The following CDR2 variants were observed in gnomAD, a reference collection of about 807,000 sequenced individuals.
CDR2 encodes the protein cerebellar degeneration-related protein 2.
In CDR2, 34 loss-of-function variants were observed where a neutral mutation model predicts 48.4. That is an observed-to-expected ratio of 0.70 (90% CI 0.53 to 0.94). The LOEUF (loss-of-function observed/expected upper bound fraction) is 0.94, where lower values mean the gene tolerates loss of function less well. Ranked by LOEUF, CDR2 falls within the 40% of genes least tolerant of loss-of-function variation. CDR2 has a pLI of 0.00. For missense variants in CDR2, 498 were observed against 549.5 expected (o/e 0.91, Z 0.94); for synonymous variants, 240 against 219.7 (o/e 1.09, Z -0.82).
chr16:22,371,465 C>T (rs536302302), intron 1 of CDR2, among the ~76,000 whole-genome samples: 76 of 152,318 alleles, frequency 5.0e-4, no homozygotes, highest in African/African-American at 1.8e-3. Flanking sequence ...TGAACAGATT[C>T]CTGGAACATT....
At chr16:22,370,719 C>T (rs1185136777) in intron 1 of CDR2, among the ~76,000 whole-genome samples, 1 of 152,182 alleles carries the variant, frequency 6.6e-6, no homozygotes, top group Non-Finnish European at 1.5e-5. Context: ...CTCCTGCCTA[C>T]ACAAAAGCTT....
intron 4 of CDR2, 52 bp downstream of exon 4, chr16:22,349,227 C>T: frequency 1.3e-6 from 2 of 1,580,262 alleles, no homozygotes; most frequent in Non-Finnish European, 1.7e-6. Flanking sequence ...CAGAATGTGC[C>T]AATGACATGA....
chr16:22,372,163 C>A (rs773369149), intron 1 of CDR2, among the ~76,000 whole-genome samples: 6 of 152,012 alleles, frequency 3.9e-5, no homozygotes, highest in Non-Finnish European at 8.8e-5. Context: ...AGTCACTGCG[C>A]CCAGCCCAGA....
At chr16:22,348,240 A>T (rs1261324008) in intron 4 of CDR2, among the ~76,000 whole-genome samples, 1 of 152,180 alleles carries the variant, frequency 6.6e-6, no homozygotes, top group African/African-American at 2.4e-5. Flanking sequence ...CCCGGCCAAC[A>T]GTGATTGGTT....
At chr16:22,353,061 G>A (rs2048952937) in intron 2 of CDR2, among the ~76,000 whole-genome samples, 2 of 152,180 alleles carry the variant, frequency 1.3e-5, no homozygotes, top group South Asian at 4.1e-4. Flanking sequence ...TATAATAGCT[G>A]CAGAAATGTT....
intron 1 of CDR2, among the ~76,000 whole-genome samples, chr16:22,367,576 T>G (rs1281613658): frequency 6.6e-6 from 1 of 152,182 alleles, no homozygotes; most frequent in African/African-American, 2.4e-5. Context: ...TGAAAAAAAT[T>G]TATCATAAAA....
intron 2 of CDR2, among the ~76,000 whole-genome samples, chr16:22,350,335 G>A (rs1047442870): frequency 6.6e-6 from 1 of 152,134 alleles, no homozygotes; most frequent in African/African-American, 2.4e-5. Flanking sequence ...AGCTCCTTTA[G>A]ACCCATTTCA....
chr16:22,373,965 G>A (rs1190439740), intron 1 of CDR2, among the ~76,000 whole-genome samples: 1 of 152,230 alleles, frequency 6.6e-6, no homozygotes, highest in East Asian at 1.9e-4. Context: ...TCCACGGAAA[G>A]CGCTTAAAAC....
At chr16:22,356,408 A>T (rs2141846783) in intron 2 of CDR2, among the ~76,000 whole-genome samples, 1 of 152,344 alleles carries the variant, frequency 6.6e-6, no homozygotes, top group East Asian at 1.9e-4. Context: ...ACTTGAGGTC[A>T]GGAGTTCGAG....
chr16:22,371,852 G>GTGTA (rs1435017871), intron 1 of CDR2, among the ~76,000 whole-genome samples: 18 of 920 alleles, frequency 0.02, no homozygotes, highest in Admixed American at 0.036. Context: ...TCAGATATGT[G>GTGTA]TGTGTGTGTG....
intron 2 of CDR2, among the ~76,000 whole-genome samples, chr16:22,356,965 AAAAAAAG>A (rs1344961589): frequency 6.6e-6 from 1 of 150,962 alleles, no homozygotes; most frequent in African/African-American, 2.4e-5. Flanking sequence ...AAAAAAAAAA[AAAAAAAG>A]AAGACCACCT....
chr16:22,374,196 G>T, intron 1 of CDR2, 35 bp downstream of exon 1: 1 of 1,474,548 alleles, frequency 6.8e-7, no homozygotes, highest in Non-Finnish European at 9.3e-7. Flanking sequence ...CCCGGGCCAG[G>T]CCGCCGCCCG....
rs1189466764 is a variant in CDR2 at position 22,349,729 on chromosome 16, T to C, written c.313A>G (p.Ser105Gly). 1 of 1,614,126 alleles carries C rather than the reference T, an allele frequency of 6.2e-7. No homozygotes were observed. Among genetic ancestry groups the C allele is most frequent in the Non-Finnish European group, 8.5e-7 (1 of 1,180,032 alleles). ...EETNQKLVAD[S>G]KASQQKILSL... ...AGAATCTTTTGCTGTGAGGCCTTGC[T>C]GTCAGCAACTAGCTTTTGATTTGTT... is the stretch of plus-strand genomic sequence containing the variant. Residue 105 changes from serine to glycine, a missense_variant, in exon 3 of 5, where the codon AGC becomes GGC. Coordinates refer to ENST00000268383, the MANE Select transcript of CDR2 (RefSeq NM_001802.2).
intron 2 of CDR2, among the ~76,000 whole-genome samples, chr16:22,360,294 A>C (rs1460527666): frequency 2.0e-5 from 3 of 152,196 alleles, no homozygotes; most frequent in Non-Finnish European, 4.4e-5. Flanking sequence ...TCAAATTAGC[A>C]CTGAAAAAAA....
Position 22,362,712 on chromosome 16 carries a change from G to C in CDR2, c.192+2190C>G, listed in dbSNP as rs537483514. On this transcript the variant is annotated intron_variant, in intron 2 of 4. Transcript: ENST00000268383. ...AAACAAAGTCTACGAAACAAAGTAGGAAAGAGTTCCTTGACCACGTAAAAC... is the reference window on the plus strand; with the variant it reads ...AAACAAAGTCTACGAAACAAAGTAGCAAAGAGTTCCTTGACCACGTAAAAC... Among the ~76,000 whole-genome samples, 4 of 152,260 alleles carry C rather than the reference G, an allele frequency of 2.6e-5. No individual in the cohort carries two copies. The South Asian group carries it at 8.3e-4, about 32-fold the overall frequency.
chr16:22,348,126 G>A (rs1287556536), intron 4 of CDR2, among the ~76,000 whole-genome samples: 2 of 151,864 alleles, frequency 1.3e-5, no homozygotes, highest in African/African-American at 2.4e-5. Context: ...TAGTAGAGAC[G>A]GGGTTTCTCC....
rs568142934 is a variant in CDR2 at position 22,347,228 on chromosome 16, G to C, written c.1102C>G (p.Gln368Glu). The C allele has an allele frequency of 1.2e-6, 2 of 1,614,198 alleles. No individual in the cohort carries two copies. The highest frequency in any genetic ancestry group is 1.7e-6 in the Non-Finnish European group (2 of 1,180,040). ...TGTGACAGGGAGTCCTGTTCCTCTT[G>C]GCACTTCTTCAGCAACTCTTCATAC... is the stretch of plus-strand genomic sequence containing the variant. ...VKYEELLKKC[Q>E]EEQDSLSHKA... Residue 368 changes from glutamine (Q) to glutamate (E), a missense_variant, in exon 5 of 5, where the codon CAA becomes GAA. Physicochemically the swap from Gln to Glu is conservative, Grantham distance 29 (BLOSUM62 2). Coordinates refer to ENST00000268383, the MANE Select transcript of CDR2 (RefSeq NM_001802.2).
chr16:22,358,199 G>A (rs2048988736), intron 2 of CDR2, among the ~76,000 whole-genome samples: 1 of 152,050 alleles, frequency 6.6e-6, no homozygotes, highest in Non-Finnish European at 1.5e-5. Context: ...CTCATCTCAA[G>A]GTACAGACAT....
intron 2 of CDR2, among the ~76,000 whole-genome samples, chr16:22,358,245 C>G (rs1296234379): frequency 3.3e-5 from 5 of 152,222 alleles, no homozygotes; most frequent in Non-Finnish European, 7.3e-5. Flanking sequence ...TGATACACAG[C>G]CTCCAATGAA....
Sources: gnomAD v4.1 joint callset for allele counts (sites outside exome capture counted in the v4.1 genomes callset) on GRCh38, gnomAD v4.1.1 for gene constraint, MANE v1.5 for transcripts, NCBI Gene and HGNC (gene_info 2026-07-23, HGNC 2026-07-21) for gene names.